The following PRKCE variants were observed in gnomAD, a reference collection of about 807,000 sequenced individuals.
PRKCE encodes protein kinase C epsilon.
A neutral mutation model predicts 85.4 loss-of-function variants in PRKCE; 16 were observed. That is an observed-to-expected ratio of 0.19 (90% CI 0.13 to 0.28). The LOEUF (loss-of-function observed/expected upper bound fraction) is 0.28. Among genes scored for constraint, PRKCE ranks in the 10% least tolerant of loss-of-function variants. PRKCE has a pLI of 1.00. For missense variants in PRKCE, 573 were observed against 975.2 expected (o/e 0.59, Z 5.49); for synonymous variants, 388 against 371.5 (o/e 1.04, Z -0.51).
intron 11 of PRKCE, among the ~76,000 whole-genome samples, chr2:46,132,092 G>C (rs560447899): frequency 1.3e-5 from 2 of 152,104 alleles, no homozygotes; most frequent in South Asian, 4.2e-4. Flanking sequence ...TGGATAAAAA[G>C]ACCTCTGAAC....
chr2:45,802,851 G>A (rs1687973881), intron 1 of PRKCE, among the ~76,000 whole-genome samples: 2 of 152,218 alleles, frequency 1.3e-5, no homozygotes, highest in Admixed American at 6.5e-5. Flanking sequence ...ATCATATGGT[G>A]CTTTAAGATT....
At chr2:45,878,766 G>C (rs1249199861) in intron 2 of PRKCE, among the ~76,000 whole-genome samples, 1 of 152,084 alleles carries the variant, frequency 6.6e-6, no homozygotes, top group Non-Finnish European at 1.5e-5. Flanking sequence ...ACATAATAAA[G>C]AACAATCAAT....
chr2:45,900,083 C>T (rs537734656), intron 2 of PRKCE, among the ~76,000 whole-genome samples: 1 of 152,124 alleles, frequency 6.6e-6, no homozygotes, highest in East Asian at 1.9e-4. Flanking sequence ...ACGGTTGCTT[C>T]GGATAAAATG....
At chr2:45,936,031 C>G (rs969711537) in intron 2 of PRKCE, among the ~76,000 whole-genome samples, 6 of 152,164 alleles carry the variant, frequency 3.9e-5, no homozygotes, top group Non-Finnish European at 7.4e-5. Context: ...AGTGTGTGCT[C>G]GTAGGAGACC....
At chr2:45,699,948 G>A (rs1379335268) in intron 1 of PRKCE, among the ~76,000 whole-genome samples, 4 of 151,962 alleles carry the variant, frequency 2.6e-5, no homozygotes, top group East Asian at 1.9e-4. Flanking sequence ...GGTGCAGGGG[G>A]TAGCAGGTGG....
rs147112087 is a variant in PRKCE at position 46,116,641 on chromosome 2, C to G, written c.1593-28452C>G. Reference sequence around the variant, plus strand: ...GTGTAGCCTTCATTTGCTTGTTAGCCAAGTTCATGGTTTATACATCTGTCC... The same window carrying G: ...GTGTAGCCTTCATTTGCTTGTTAGCGAAGTTCATGGTTTATACATCTGTCC... On this transcript the variant is annotated intron_variant, in intron 11 of 14. Coordinates refer to ENST00000306156, the MANE Select transcript of PRKCE (RefSeq NM_005400.3). Among the ~76,000 whole-genome samples the G allele has an allele frequency of 8.3e-3, 1,256 of 152,196 alleles. 24 individuals carry two copies. Among genetic ancestry groups the G allele is most frequent in the African/African-American group, 0.028 (1,164 of 41,530 alleles).
intron 1 of PRKCE, among the ~76,000 whole-genome samples, chr2:45,661,523 GTT>G (rs367628974): frequency 1.0e-5 from 1 of 96,656 alleles, no homozygotes. Flanking sequence ...TTTGTTTTTT[GTT>G]TTTTGTTTTT....
intron 11 of PRKCE, among the ~76,000 whole-genome samples, chr2:46,128,837 C>T (rs1418557531): frequency 6.6e-6 from 1 of 152,186 alleles, no homozygotes; most frequent in African/African-American, 2.4e-5. Context: ...GGAGAGACCA[C>T]CAGAGAGTGA....
intron 14 of PRKCE, among the ~76,000 whole-genome samples, chr2:46,160,898 G>T (rs976190758): frequency 2.0e-5 from 3 of 152,220 alleles, no homozygotes; most frequent in Non-Finnish European, 4.4e-5. Context: ...GACGGGTGTG[G>T]TCCAGGCCTC....
intron 2 of PRKCE, among the ~76,000 whole-genome samples, chr2:45,872,360 A>G (rs1488484259): frequency 6.6e-6 from 1 of 152,214 alleles, no homozygotes; most frequent in Non-Finnish European, 1.5e-5. Context: ...ACGAGGTCAG[A>G]GCGGCAGCAG....
chr2:45,704,769 C>T (rs186600017), intron 1 of PRKCE, among the ~76,000 whole-genome samples: 3 of 152,290 alleles, frequency 2.0e-5, no homozygotes, highest in East Asian at 1.9e-4. Flanking sequence ...CAGTTTTCAC[C>T]TAAGTGTTAT....
Position 46,184,832 on chromosome 2 carries a change from A to G in PRKCE, c.2165A>G (p.Gln722Arg). The change falls in exon 15 of 15, where the codon CAG (glutamine) becomes CGG (arginine). Residue 722 changes from glutamine (Q) to arginine (R), a missense_variant. This residue lies in a region of PRKCE where 45 missense variants were observed against 39.1 expected (regional missense o/e 1.15). Coordinates refer to ENST00000306156, the MANE Select transcript of PRKCE (RefSeq NM_005400.3). The surrounding 1 kb of genome is among the most constrained non-coding windows in gnomAD (Gnocchi z 5.0). ...VDEAIVKQIN[Q>R]EEFKGFSYFG... ...GAAGCAATTGTAAAGCAGATCAACC[A>G]GGAGGAATTCAAAGGTTTCTCCTAC... The G allele has an allele frequency of 6.3e-7, 1 of 1,599,788 alleles. No homozygotes were observed. The highest frequency in any genetic ancestry group is 8.5e-7 in the Non-Finnish European group (1 of 1,179,952).
chr2:46,021,274 A>C (rs552470945), intron 10 of PRKCE, among the ~76,000 whole-genome samples: 42 of 152,318 alleles, frequency 2.8e-4, no homozygotes, highest in African/African-American at 9.4e-4. Context: ...TCTGCTAGGC[A>C]AGGAGTTTGC....
At chr2:45,695,703 G>A (rs996100235) in intron 1 of PRKCE, among the ~76,000 whole-genome samples, 5 of 152,172 alleles carry the variant, frequency 3.3e-5, no homozygotes, top group South Asian at 2.1e-4. Flanking sequence ...ACCCGGAGGC[G>A]GAGGTTGCAG....
At chr2:45,712,986 G>C (rs986353502) in intron 1 of PRKCE, among the ~76,000 whole-genome samples, 6 of 152,210 alleles carry the variant, frequency 3.9e-5, no homozygotes, top group Non-Finnish European at 4.4e-5. Flanking sequence ...TTACGACACT[G>C]TCGCCTTGCA....
At chr2:45,935,564 A>G (rs904922161) in intron 2 of PRKCE, among the ~76,000 whole-genome samples, 3 of 152,164 alleles carry the variant, frequency 2.0e-5, no homozygotes, top group African/African-American at 7.2e-5. Flanking sequence ...AGGCAGGTGG[A>G]TCACTTGAGG....
intron 14 of PRKCE, among the ~76,000 whole-genome samples, chr2:46,175,564 G>C (rs755833986): frequency 2.0e-5 from 3 of 152,206 alleles, no homozygotes; most frequent in Non-Finnish European, 2.9e-5. Flanking sequence ...TGGCGGCACA[G>C]AGATTACATA....
In PRKCE at chr2:46,141,769, C is replaced by A. The variant is rs78720308; in HGVS notation, c.1593-3324C>A. Among the ~76,000 whole-genome samples the A allele has an allele frequency of 2.4e-3, 370 of 152,044 alleles. 2 individuals carry two copies. Among genetic ancestry groups the A allele is most frequent in the East Asian group, 0.021 (107 of 5,160 alleles). On this transcript the variant is annotated intron_variant, in intron 11 of 14. Coordinates refer to ENST00000306156, the MANE Select transcript of PRKCE (RefSeq NM_005400.3). ...GCCTTGTATTTGAGGACCAAGTACA[C>A]AGGGACTAATATCTGGGCAGTTGTC...
chr2:45,740,908 G>A (rs1682504698), intron 1 of PRKCE, among the ~76,000 whole-genome samples: 1 of 152,192 alleles, frequency 6.6e-6, no homozygotes, highest in Admixed American at 6.5e-5. Context: ...CTCAGTGAAA[G>A]TCTTTACTGA....
Sources: gnomAD v4.1 joint callset for allele counts (sites outside exome capture counted in the v4.1 genomes callset) on GRCh38, gnomAD v4.1.1 for gene constraint, gnomAD v4.1.1 regional missense constraint, Gnocchi (gnomAD v3.1) non-coding constraint, MANE v1.5 for transcripts, NCBI Gene and HGNC (gene_info 2026-07-23, HGNC 2026-07-21) for gene names.